Variants in KIAA0825 observed in about 807,000 individuals in gnomAD.
KIAA0825 encodes KIAA0825.
A neutral mutation model predicts 147.6 loss-of-function variants in KIAA0825; 119 were observed. The ratio of observed to expected loss-of-function variants is 0.81; its 90% CI spans 0.69 to 0.94. The LOEUF is 0.94. Among genes scored for constraint, KIAA0825 ranks in the 40% least tolerant of loss-of-function variants. The pLI, the probability that KIAA0825 is intolerant of heterozygous loss-of-function variation, is 0.00. For synonymous variants in KIAA0825, 470 were observed against 518.1 expected (o/e 0.91, Z 1.26); for missense variants, 1,381 against 1,472.7 (o/e 0.94, Z 1.02).
chr5:94,572,090 CTCTA>C (rs1780074213), intron 2 of KIAA0825, among the ~76,000 whole-genome samples: 1 of 142,298 alleles, frequency 7.0e-6, no homozygotes, highest in Admixed American at 7.1e-5. Flanking sequence ...CATAGTGAGA[CTCTA>C]TCTCTTAAAA....
chr5:94,297,963 T>C (rs1420042505), intron 20 of KIAA0825, among the ~76,000 whole-genome samples: 1 of 145,286 alleles, frequency 6.9e-6, no homozygotes, highest in African/African-American at 2.5e-5. Flanking sequence ...GAGTGGCGGG[T>C]GTGCTGAGCG....
intron 12 of KIAA0825, among the ~76,000 whole-genome samples, chr5:94,456,529 G>C (rs1759136995): frequency 6.6e-6 from 1 of 152,140 alleles, no homozygotes; most frequent in Non-Finnish European, 1.5e-5. Flanking sequence ...GTTATATAGA[G>C]GTAGTGTATG....
chr5:94,240,412 G>A lies in KIAA0825; in HGVS notation c.3711-86288C>T, dbSNP rs190580713. Among the ~76,000 whole-genome samples, 321 of 152,256 alleles carry A rather than the reference G, an allele frequency of 2.1e-3. 2 individuals are homozygous for A. Among genetic ancestry groups the A allele is most frequent in the African/African-American group, 7.5e-3 (311 of 41,544 alleles). ...TTACAAGCTTATAAAACATTTTGTCGGGTGGAAACCGAATGTACACTGTTT... is the reference window on the plus strand; with the variant it reads ...TTACAAGCTTATAAAACATTTTGTCAGGTGGAAACCGAATGTACACTGTTT... On this transcript the variant is annotated intron_variant, in intron 20 of 20. Transcript: ENST00000682413.
intron 20 of KIAA0825, among the ~76,000 whole-genome samples, chr5:94,209,931 G>T (rs1188395145): frequency 6.6e-6 from 1 of 152,188 alleles, no homozygotes; most frequent in Non-Finnish European, 1.5e-5. Flanking sequence ...GAGCTGTGAA[G>T]GGTTTCATCT....
At chr5:94,457,192 A>G (rs1759221568) in intron 12 of KIAA0825, among the ~76,000 whole-genome samples, 1 of 152,216 alleles carries the variant, frequency 6.6e-6, no homozygotes, top group Admixed American at 6.5e-5. Context: ...AAATTGGCTC[A>G]CAAGCCTCAA....
rs148410026 is a variant in KIAA0825 at position 94,538,833 on chromosome 5, C to T, written c.-1-1706G>A. 3.8e-3 allele frequency among the ~76,000 whole-genome samples: 574 copies of T among 152,238 alleles called. 1 individual carries two copies. The highest frequency in any genetic ancestry group is 5.7e-3 in the Non-Finnish European group (388 of 68,012). ...GCTGTGTATCTATCAGTGGGTATCT[C>T]CTTAGGATTTGTGAACAGAAGCAAG... is the stretch of plus-strand genomic sequence containing the variant. On this transcript the variant is annotated intron_variant, in intron 2 of 20. Coordinates refer to ENST00000682413, the MANE Select transcript of KIAA0825 (RefSeq NM_001145678.3).
chr5:94,547,658 A>G (rs1195867176), intron 2 of KIAA0825, among the ~76,000 whole-genome samples: 2 of 148,288 alleles, frequency 1.3e-5, no homozygotes, highest in African/African-American at 5.1e-5. Flanking sequence ...AATCACTTGA[A>G]CCCGGGAGGC....
At chr5:94,613,977 CT>C (rs1390919771) in intron 1 of KIAA0825, among the ~76,000 whole-genome samples, 6 of 152,184 alleles carry the variant, frequency 3.9e-5, no homozygotes, top group Non-Finnish European at 8.8e-5. Context: ...ATTTCTCCTT[CT>C]ACAAATTGTA....
At chr5:94,327,712 G>T (rs1258221827) in intron 20 of KIAA0825, among the ~76,000 whole-genome samples, 1 of 152,050 alleles carries the variant, frequency 6.6e-6, no homozygotes, top group Admixed American at 6.6e-5. Flanking sequence ...TTGGAGTAAA[G>T]AACTCATGTT....
intron 1 of KIAA0825, among the ~76,000 whole-genome samples, chr5:94,597,244 A>T (rs1268761163): frequency 6.6e-6 from 1 of 152,132 alleles, no homozygotes; most frequent in African/African-American, 2.4e-5. Flanking sequence ...CAAGAACATT[A>T]TCCAAAATAG....
intron 20 of KIAA0825, among the ~76,000 whole-genome samples, chr5:94,243,186 G>C (rs887561367): frequency 3.9e-5 from 6 of 152,192 alleles, no homozygotes; most frequent in Non-Finnish European, 8.8e-5. Context: ...GGCGCACAGT[G>C]AATGTTCATC....
intron 20 of KIAA0825, among the ~76,000 whole-genome samples, chr5:94,240,086 G>A (rs1583942791): frequency 6.6e-6 from 1 of 152,074 alleles, no homozygotes; most frequent in East Asian, 1.9e-4. Context: ...TAAAAGTGCC[G>A]AAACAGAAAT....
chr5:94,564,946 C>CCTTTTCTTTT (rs111877748), intron 2 of KIAA0825, among the ~76,000 whole-genome samples: 121 of 134,150 alleles, frequency 9.0e-4, no homozygotes, highest in Non-Finnish European at 1.2e-3. Context: ...TCCCTCCCTC[C>CCTTTTCTTTT]CTTTTCTTTT....
chr5:94,158,018 A>G (rs1767195214), intron 20 of KIAA0825, among the ~76,000 whole-genome samples: 1 of 152,162 alleles, frequency 6.6e-6, no homozygotes, highest in Admixed American at 6.6e-5. Context: ...TTACTAGGAG[A>G]AAAACATTTA....
At chr5:94,408,898 T>G (rs1247701468) in intron 15 of KIAA0825, among the ~76,000 whole-genome samples, 1 of 152,240 alleles carries the variant, frequency 6.6e-6, no homozygotes, top group African/African-American at 2.4e-5. Context: ...AAAATAATTA[T>G]GAATGGCTGA....
chr5:94,228,518 C>T (rs1312790156), intron 20 of KIAA0825, among the ~76,000 whole-genome samples: 5 of 152,168 alleles, frequency 3.3e-5, no homozygotes, highest in Non-Finnish European at 5.9e-5. Flanking sequence ...TGGGTCTTAG[C>T]TCCATGGTCA....
At chr5:94,531,238 T>C (rs952125187) in intron 3 of KIAA0825, among the ~76,000 whole-genome samples, 2 of 152,168 alleles carry the variant, frequency 1.3e-5, no homozygotes, top group Admixed American at 6.5e-5. Context: ...CTCAGCCTCC[T>C]AAAGCAGAGG....
intron 20 of KIAA0825, among the ~76,000 whole-genome samples, chr5:94,365,076 A>C (rs2150421042): frequency 6.6e-6 from 1 of 152,230 alleles, no homozygotes; most frequent in East Asian, 1.9e-4. Flanking sequence ...CGGCTATGTA[A>C]ACGTCACACC....
At chr5:94,566,703 A>G (rs889734965) in intron 2 of KIAA0825, among the ~76,000 whole-genome samples, 2 of 152,128 alleles carry the variant, frequency 1.3e-5, no homozygotes, top group Non-Finnish European at 2.9e-5. Flanking sequence ...TGTTCATACC[A>G]TGAATAGACT....
Sources: gnomAD v4.1 joint callset for allele counts (sites outside exome capture counted in the v4.1 genomes callset) on GRCh38, gnomAD v4.1.1 for gene constraint, MANE v1.5 for transcripts, NCBI Gene and HGNC (gene_info 2026-07-23, HGNC 2026-07-21) for gene names.